Variants in ELF4 observed in about 807,000 individuals in gnomAD.
ELF4 encodes the protein ETS-related transcription factor Elf-4.
In ELF4, 10 loss-of-function variants were observed where a neutral mutation model predicts 31.7. The observed-to-expected ratio is 0.32, with a 90% CI of 0.19 to 0.54. The LOEUF (loss-of-function observed/expected upper bound fraction) is 0.54. Ranked by LOEUF, ELF4 falls within the 20% of genes least tolerant of loss-of-function variation. The probability of loss-of-function intolerance (pLI) is 0.95; values close to 1 mark genes in which losing one functional copy is unlikely to be tolerated. For synonymous variants in ELF4, 208 were observed against 226.7 expected, an observed-to-expected ratio of 0.92 and a Z score of 0.74; for missense variants, 418 against 522.0, an observed-to-expected ratio of 0.80 and a Z score of 1.94.
intron 1 of ELF4, among the ~76,000 whole-genome samples, chrX:130,094,680 G>A (rs1326964238): frequency 3.6e-5 from 4 of 111,065 alleles, no homozygotes; most frequent in Admixed American, 9.6e-5. Context: ...GGGCCCCGCC[G>A]CCCCTGAGGG....
intron 2 of ELF4, among the ~76,000 whole-genome samples, chrX:130,080,009 T>C (rs1422926736): frequency 2.7e-5 from 3 of 111,882 alleles, no homozygotes; most frequent in African/African-American, 9.8e-5. Context: ...CAGCTAGAGA[T>C]TGGACAGTTT....
At chrX:130,077,536 C>T (rs746067887) in intron 2 of ELF4, among the ~76,000 whole-genome samples, 42 of 112,339 alleles carry the variant, frequency 3.7e-4, no homozygotes, top group Non-Finnish European at 3.0e-4. Flanking sequence ...CCTCGTGATC[C>T]GCCTGCGTTG....
At position 130,071,250 on chromosome X, in the gene ELF4, G is replaced by A. The variant is rs750629360; in HGVS notation, c.617-18C>T. 10 of 1,211,475 alleles carry A rather than the reference G, an allele frequency of 8.3e-6. No individual in the cohort carries two copies. Among genetic ancestry groups the A allele is most frequent in the East Asian group, 3.0e-5 (1 of 33,853 alleles). On this transcript the variant is annotated intron_variant, in intron 6 of 8. Transcript: ENST00000308167. ...GGTGCTGCCTGCAGAGGGGCAGGCC[G>A]TGAGGGGCAGCCTGGGCAGCTGGGG...
At position 130,069,448 on chromosome X, in the gene ELF4, A is replaced by C. The variant is rs1932758653; in HGVS notation, c.1039T>G (p.Ser347Ala). The C allele has an allele frequency of 1.7e-6, 2 of 1,210,871 alleles. No individual in the cohort carries two copies. Among genetic ancestry groups the C allele is most frequent in the African/African-American group, 3.5e-5 (2 of 57,432 alleles). ...RSAPQGKGSS[S>A]WEKPKIQHVG... ...TGCTGAATTTTTGGCTTCTCCCAAG[A>C]AGAGCTGCCCTTGCCCTGGGGGGCA... The change falls in exon 8 of 9, where the codon TCT becomes GCT. Residue 347 changes from serine (S) to alanine (A), a missense_variant. Physicochemically the swap from Ser to Ala is moderately conservative, Grantham distance 99. Coordinates refer to ENST00000308167, the MANE Select transcript of ELF4 (RefSeq NM_001421.4).
chrX:130,100,242 G>C (rs964694815), intron 1 of ELF4, among the ~76,000 whole-genome samples: 5 of 112,094 alleles, frequency 4.5e-5, no homozygotes, highest in Non-Finnish European at 9.4e-5. Flanking sequence ...TCAAGTTCCA[G>C]TCTTGGCCCA....
chrX:130,102,651 A>T (rs750684799), intron 1 of ELF4, among the ~76,000 whole-genome samples: 7 of 29,144 alleles, frequency 2.4e-4, no homozygotes, highest in Middle Eastern at 0.013. Flanking sequence ...ATACCTCTAC[A>T]AAAAAAAAAT....
chrX:130,091,464 A>T (rs921724799), intron 1 of ELF4, among the ~76,000 whole-genome samples: 4 of 111,521 alleles, frequency 3.6e-5, no homozygotes, highest in African/African-American at 1.3e-4. Flanking sequence ...GTATTTATTT[A>T]TTTTTCAGAG....
At position 130,067,284 on chromosome X, in the gene ELF4, G is replaced by T. The variant is rs1932703515; in HGVS notation, c.1429C>A (p.Pro477Thr). The T allele has an allele frequency of 8.3e-7, 1 of 1,210,760 alleles. No individual in the cohort carries two copies. The highest frequency in any genetic ancestry group is 1.1e-6 in the Non-Finnish European group (1 of 895,289). Residue 477 changes from proline (P) to threonine (T), a missense_variant, in exon 9 of 9, where the codon CCA (proline) becomes ACA (threonine). By Grantham distance (38) the Pro-to-Thr change is conservative. Around this residue, in one of 4 missense-constraint regions of ELF4, gnomAD observed 260 missense variants for 269.2 expected, o/e 0.97. Transcript: ENST00000308167. The part of the protein sequence containing the change: ...ASFQDSQVAA[P>T]GAPLILSGLP... ...CCACTGAGAATCAGTGGAGCCCCTG[G>T]GGCTGCCACCTGGCTGTCTTGGAAA... is the stretch of plus-strand genomic sequence containing the variant.
At chrX:130,087,991 A>G (rs965082461) in intron 1 of ELF4, among the ~76,000 whole-genome samples, 1 of 111,612 alleles carries the variant, frequency 9.0e-6, no homozygotes, top group African/African-American at 3.3e-5. Context: ...GAAGCTGGAT[A>G]AGTGGATCCC....
At position 130,067,529 on chromosome X, in the gene ELF4, A is replaced by C; in HGVS notation, c.1188-4T>G. ...GTTGCTGGGCACTGAAGATGCACTG[A>C]GAAGAAACAGAGAACAGAGTTGGTT... is the stretch of plus-strand genomic sequence containing the variant. On this transcript the variant is annotated splice_region_variant and splice_polypyrimidine_tract_variant and intron_variant, in intron 8 of 8. Transcript: ENST00000308167. 1 of 1,210,607 alleles carries C rather than the reference A, an allele frequency of 8.3e-7. No individual in the cohort carries two copies. Among genetic ancestry groups the C allele is most frequent in the African/African-American group, 1.7e-5 (1 of 57,893 alleles).
intron 1 of ELF4, among the ~76,000 whole-genome samples, chrX:130,098,830 C>T (rs997919897): frequency 1.8e-5 from 2 of 111,911 alleles, no homozygotes; most frequent in African/African-American, 6.5e-5. Flanking sequence ...AACCTCTGAC[C>T]CACCTGCAGG....
intron 1 of ELF4, among the ~76,000 whole-genome samples, chrX:130,102,309 G>T (rs987252727): frequency 8.9e-6 from 1 of 112,183 alleles, no homozygotes; most frequent in African/African-American, 3.2e-5. Context: ...CAAAAGCAAA[G>T]TTGAAAGGCT....
At chrX:130,092,823 G>A (rs1933082842) in intron 1 of ELF4, among the ~76,000 whole-genome samples, 1 of 110,519 alleles carries the variant, frequency 9.0e-6, no homozygotes, top group South Asian at 3.8e-4. Flanking sequence ...TAGCACCAAT[G>A]GACACAGGCG....
chrX:130,082,734 C>T lies in ELF4; in HGVS notation c.-209-1195G>A, dbSNP rs778663193. 3.6e-3 allele frequency among the ~76,000 whole-genome samples: 402 copies of T among 110,485 alleles called. 1 individual carries two copies. Among genetic ancestry groups the T allele is most frequent in the African/African-American group, 0.013 (380 of 30,351 alleles). On this transcript the variant is annotated intron_variant, in intron 1 of 8. Coordinates refer to ENST00000308167, the MANE Select transcript of ELF4 (RefSeq NM_001421.4). ...GCCCCAGCCCTCCCACCTCCCTCCTCGCCAGCCAGCTCTGCTCCTCCACCC... is the reference window on the plus strand; with the variant it reads ...GCCCCAGCCCTCCCACCTCCCTCCTTGCCAGCCAGCTCTGCTCCTCCACCC...
intron 1 of ELF4, among the ~76,000 whole-genome samples, chrX:130,100,850 C>G (rs990527498): frequency 2.7e-5 from 3 of 112,184 alleles, no homozygotes; most frequent in Admixed American, 9.5e-5. Flanking sequence ...TGAAGTTCAC[C>G]TAAATTCTCA....
rs1283256345 is a variant in ELF4 at position 130,066,119 on chromosome X, A to T, written c.*602T>A. The T allele has an allele frequency of 1.1e-5, 2 of 174,137 alleles. No individual in the cohort carries two copies. Among genetic ancestry groups the T allele is most frequent in the African/African-American group, 5.9e-5 (2 of 33,931 alleles). The allele number at this position is 174,137 out of a possible 1,213,427, so 14.4% of individuals were successfully genotyped here. ...ACAACATCTCCAGATTCGGAGGATC[A>T]AACTTGTACCCCATAGTCTCAGAGC... is the stretch of plus-strand genomic sequence containing the variant. On this transcript the variant is annotated 3_prime_UTR_variant, in exon 9 of 9. Coordinates refer to ENST00000308167, the MANE Select transcript of ELF4 (RefSeq NM_001421.4).
Position 130,066,068 on chromosome X carries a change from T to A in ELF4, c.*653A>T. On this transcript the variant is annotated 3_prime_UTR_variant, in exon 9 of 9. Coordinates refer to ENST00000308167, the MANE Select transcript of ELF4 (RefSeq NM_001421.4). ...CCAATGTGCATGCGCATCAAAGCGT[T>A]CCTACTCTGCACTCGTTCCAGCTCT... 1 of 175,347 alleles carries A rather than the reference T, an allele frequency of 5.7e-6. No individual in the cohort carries two copies. The highest frequency in any genetic ancestry group is 1.1e-5 in the Non-Finnish European group (1 of 91,438). 14.5% of individuals were successfully genotyped at this position (175,347 alleles called of 1,213,427 possible).
intron 3 of ELF4, 31 bp from the exon 4 acceptor site, chrX:130,074,172 A>G: frequency 1.7e-6 from 2 of 1,194,443 alleles, no homozygotes; most frequent in Non-Finnish European, 2.3e-6. Context: ...GGAGGAGAGA[A>G]GAAAAGTTCC....
intron 1 of ELF4, among the ~76,000 whole-genome samples, chrX:130,091,868 C>T (rs769042874): frequency 9.0e-6 from 1 of 111,594 alleles, no homozygotes; most frequent in African/African-American, 3.3e-5. Flanking sequence ...AACTGCATTA[C>T]CATCTCCCAC....
Sources: allele counts gnomAD v4.1 joint callset (sites outside exome capture counted in the v4.1 genomes callset), GRCh38; gene constraint gnomAD v4.1.1; regional missense constraint gnomAD v4.1.1; transcripts MANE v1.5; gene names NCBI Gene and HGNC (gene_info 2026-07-23, HGNC 2026-07-21).